The following CLEC16A variants were observed in gnomAD, a reference collection of about 807,000 sequenced individuals.
The protein encoded by CLEC16A is protein CLEC16A.
In CLEC16A, 51 loss-of-function variants were observed where a neutral mutation model predicts 109.5. That is an observed-to-expected ratio of 0.47 (90% confidence interval 0.37 to 0.59). The LOEUF is 0.59. CLEC16A is among the 20% of genes least tolerant of loss of function. The pLI, the probability that CLEC16A is intolerant of heterozygous loss-of-function variation, is 0.00. For synonymous variants in CLEC16A, 673 were observed against 564.2 expected, an observed-to-expected ratio of 1.19 and a Z score of -2.73; for missense variants, 1,339 against 1,394.0, an observed-to-expected ratio of 0.96 and a Z score of 0.63.
intron 19 of CLEC16A, among the ~76,000 whole-genome samples, chr16:11,074,417 G>T (rs2049238849): frequency 6.6e-6 from 1 of 152,212 alleles, no homozygotes; most frequent in Admixed American, 6.5e-5. Flanking sequence ...AAATGGGATT[G>T]TAATAGAGCT....
In CLEC16A at chr16:11,020,418, G is replaced by A. The variant is rs1039412956; in HGVS notation, c.1436+93G>A. 3.5e-6 allele frequency: 5 copies of A among 1,408,856 alleles called. No homozygotes were observed. The African/African-American group carries it at 7.3e-5, about 20-fold the overall frequency. 87.3% of individuals were successfully genotyped at this position (1,408,856 alleles called of 1,614,324 possible). A position where few individuals can be genotyped will look rare whatever the true frequency, so the allele number is the denominator to read the frequency against. On this transcript the variant is annotated intron_variant, in intron 12 of 23. Coordinates refer to ENST00000409790, the MANE Select transcript of CLEC16A (RefSeq NM_015226.3). ...GAGCCCTAGGGCCAGAGCCTCTTCT[G>A]TCCCTCAGCCCGACCATGCTGCCTC...
At chr16:10,977,153 C>T in intron 7 of CLEC16A, 72 bp from the exon 8 acceptor site, 2 of 1,397,378 alleles carry the variant, frequency 1.4e-6, no homozygotes, top group Middle Eastern at 2.2e-4. Flanking sequence ...ACCTAAGTCT[C>T]AGGCCATTGA....
Position 11,123,909 on chromosome 16 carries a change from C to T in CLEC16A, c.2436C>T (p.Arg812=). 6.2e-7 allele frequency: 1 copy of T among 1,613,704 alleles called. No individual in the cohort carries two copies. The highest frequency in any genetic ancestry group is 8.5e-7 in the Non-Finnish European group (1 of 1,179,798). ...IIAKQRLAKG[R]IQARRMKMQR... ...CCAAGCAGCGCCTGGCCAAAGGCCG[C>T]ATCCAGGCAAGGCGCATGAAGATGC... The change falls in exon 21 of 24, where the codon CGC becomes CGT. Residue 812 remains arginine, a synonymous_variant. Coordinates refer to ENST00000409790, the MANE Select transcript of CLEC16A (RefSeq NM_015226.3).
chr16:11,069,801 TA>T (rs750106409), intron 19 of CLEC16A, among the ~76,000 whole-genome samples: 1 of 151,168 alleles, frequency 6.6e-6, no homozygotes, highest in African/African-American at 2.4e-5. Flanking sequence ...GAGCAGATTT[TA>T]AAAACAGTAC....
At position 11,024,910 on chromosome 16, in the gene CLEC16A, C is replaced by G. The variant is rs749832710; in HGVS notation, c.1526C>G (p.Ser509Cys). Residue 509 changes from serine (S) to cysteine (C), a missense_variant, in exon 13 of 24, where the codon TCT becomes TGT. Ser to Cys is a moderately radical substitution (Grantham distance 112, BLOSUM62 -1). Coordinates refer to ENST00000409790, the MANE Select transcript of CLEC16A (RefSeq NM_015226.3). ...GTGCTCTGCCTCCTCTATGCCATGT[C>G]TCATAATAAAGGTAAGCACCCTTGC... Reference protein sequence around the residue: ...LFVLCLLYAMSHNKGMDPEKL... With the variant: ...LFVLCLLYAMCHNKGMDPEKL... 1 of 1,607,056 alleles carries G rather than the reference C, an allele frequency of 6.2e-7. No individual in the cohort carries two copies. Among genetic ancestry groups the G allele is most frequent in the Non-Finnish European group, 8.5e-7 (1 of 1,176,630 alleles).
chr16:11,134,244 G>A (rs910094467), intron 22 of CLEC16A, among the ~76,000 whole-genome samples: 8 of 149,542 alleles, frequency 5.3e-5, no homozygotes, highest in African/African-American at 7.5e-5. Flanking sequence ...GGCCTCACTG[G>A]TACCAGGCAA....
chr16:11,078,128 G>T (rs1567286846), intron 19 of CLEC16A, among the ~76,000 whole-genome samples: 1 of 152,102 alleles, frequency 6.6e-6, no homozygotes, highest in Non-Finnish European at 1.5e-5. Context: ...AACCGCTCTA[G>T]GGGCATCTGA....
chr16:11,043,213 A>G (rs931721533), intron 15 of CLEC16A, among the ~76,000 whole-genome samples: 3 of 152,118 alleles, frequency 2.0e-5, no homozygotes, highest in Non-Finnish European at 4.4e-5. Flanking sequence ...GAGGCCAAGA[A>G]GTTGAGACTA....
chr16:10,972,819 A>G (rs1276383839), intron 6 of CLEC16A, 119 bp from the exon 7 acceptor site: 11 of 1,078,170 alleles, frequency 1.0e-5, no homozygotes, highest in Non-Finnish European at 1.3e-5. Context: ...ATTTCAGATT[A>G]TAGCAGAGGG....
At chr16:11,008,295 A>G (rs1006585402) in intron 11 of CLEC16A, among the ~76,000 whole-genome samples, 1 of 152,162 alleles carries the variant, frequency 6.6e-6, no homozygotes, top group South Asian at 2.1e-4. Flanking sequence ...AAAATCCTTG[A>G]ATTTGTGAAG....
intron 22 of CLEC16A, among the ~76,000 whole-genome samples, chr16:11,133,868 C>T (rs1362645258): frequency 9.2e-5 from 14 of 152,222 alleles, no homozygotes; most frequent in Non-Finnish European, 1.8e-4. Flanking sequence ...CTTTCCCAGC[C>T]TTCAGCTCAC....
In CLEC16A at chr16:11,178,488, G is replaced by A. The variant is rs368132090; in HGVS notation, c.2960G>A (p.Arg987Gln). Residue 987 changes from arginine (R) to glutamine (Q), a missense_variant, in exon 24 of 24, where the codon CGG becomes CAG. Transcript: ENST00000409790. The surrounding 1 kb of genome is among the most constrained non-coding windows in gnomAD (Gnocchi z 6.5). ...ASLSPSLVPA[R>Q]QPTISLLCED... Reference sequence around the variant, plus strand: ...CTGTCCCCCAGCCTCGTCCCTGCCCGGCAGCCCACCATTTCCCTGCTCTGC... The same window carrying A: ...CTGTCCCCCAGCCTCGTCCCTGCCCAGCAGCCCACCATTTCCCTGCTCTGC... The A allele has an allele frequency of 1.3e-5, 21 of 1,613,484 alleles. No individual in the cohort carries two copies. Among genetic ancestry groups the A allele is most frequent in the Non-Finnish European group, 1.5e-5 (18 of 1,179,900 alleles).
chr16:11,106,061 T>C (rs2051201024), intron 19 of CLEC16A, among the ~76,000 whole-genome samples: 2 of 152,204 alleles, frequency 1.3e-5, no homozygotes, highest in Non-Finnish European at 2.9e-5. Flanking sequence ...AAAAGTGATA[T>C]AAAGGAGGCC....
chr16:11,025,072 C>T (rs568994267), intron 13 of CLEC16A, among the ~76,000 whole-genome samples, 151 bp downstream of exon 13: 11 of 152,202 alleles, frequency 7.2e-5, no homozygotes, highest in Admixed American at 3.9e-4. Flanking sequence ...GACTCCCGCT[C>T]CTCTTTAGCT....
At chr16:11,053,366 G>A (rs2048048209) in intron 18 of CLEC16A, among the ~76,000 whole-genome samples, 1 of 151,706 alleles carries the variant, frequency 6.6e-6, no homozygotes, top group South Asian at 2.1e-4. Flanking sequence ...ATTTTACAGA[G>A]GAAGAATTTT....
intron 15 of CLEC16A, among the ~76,000 whole-genome samples, chr16:11,042,975 T>C (rs902203871): frequency 6.6e-6 from 1 of 151,370 alleles, no homozygotes; most frequent in Admixed American, 6.6e-5. Flanking sequence ...TTTACATATG[T>C]AATATGTAAA....
In CLEC16A at chr16:11,066,550, G is replaced by A. The variant is rs111890778; in HGVS notation, c.2116+5528G>A. On this transcript the variant is annotated intron_variant, in intron 19 of 23. Coordinates refer to ENST00000409790, the MANE Select transcript of CLEC16A (RefSeq NM_015226.3). The stretch of plus-strand genomic sequence containing the variant: ...TGTCCGGTGGGCGGGGGAGCAGTCC[G>A]GAAGCCTCCTCGCTACTTCATAGAT... 180 of 152,216 alleles carry A rather than the reference G, an allele frequency of 1.2e-3. 4 individuals are homozygous for A. Among genetic ancestry groups the A allele is most frequent in the Admixed American group, 1.4e-3 (22 of 15,260 alleles). The allele number at this position is 152,216 out of a possible 1,614,324, so 9.4% of individuals were successfully genotyped here.
At chr16:11,013,014 A>T (rs1184330873) in intron 11 of CLEC16A, among the ~76,000 whole-genome samples, 1 of 151,982 alleles carries the variant, frequency 6.6e-6, no homozygotes, top group Non-Finnish European at 1.5e-5. Flanking sequence ...ACAAACTCAC[A>T]CGCCCCCACA....
At chr16:11,142,813 C>T (rs1567384501) in intron 22 of CLEC16A, among the ~76,000 whole-genome samples, 1 of 152,058 alleles carries the variant, frequency 6.6e-6, no homozygotes, top group Non-Finnish European at 1.5e-5. Context: ...TTCCAGTAAA[C>T]TTTTTTATTT....
Sources: allele counts gnomAD v4.1 joint callset (sites outside exome capture counted in the v4.1 genomes callset), GRCh38; gene constraint gnomAD v4.1.1; non-coding constraint Gnocchi (gnomAD v3.1); transcripts MANE v1.5; gene names NCBI Gene and HGNC (gene_info 2026-07-23, HGNC 2026-07-21).